CISH: variants seen among roughly 807,000 people sequenced by gnomAD.
CISH encodes the protein cytokine-inducible SH2-containing protein.
Under a neutral mutation model 21.3 loss-of-function variants are expected in CISH, and 11 were observed. The ratio of observed to expected loss-of-function variants is 0.52; its 90% confidence interval spans 0.32 to 0.85. The LOEUF (loss-of-function observed/expected upper bound fraction) is 0.85, where lower values mean the gene tolerates loss of function less well. CISH is among the 40% of genes least tolerant of loss of function. The pLI, the probability that CISH is intolerant of heterozygous loss-of-function variation, is 0.03. For missense variants in CISH, 280 were observed against 351.7 expected (o/e 0.80, Z 1.63); for synonymous variants, 118 against 142.3 (o/e 0.83, Z 1.22).
intron 1 of CISH, chr3:50,611,317 C>T: frequency 1.5e-6 from 2 of 1,305,802 alleles, no homozygotes; most frequent in Non-Finnish European, 9.7e-7. Flanking sequence ...GGATTGTTGG[C>T]CACATCTTGG....
intron 1 of CISH, chr3:50,609,484 T>C (rs1171078946): frequency 6.6e-6 from 1 of 152,230 alleles, no homozygotes; most frequent in East Asian, 1.9e-4. Flanking sequence ...AACACCATAT[T>C]CTTGGATGGC....
Position 50,610,279 on chromosome 3 carries a change from C to A in CISH, c.20+1352G>T, listed in dbSNP as rs2032282483. 7 of 1,405,776 alleles carry A rather than the reference C, an allele frequency of 5.0e-6. No individual in the cohort carries two copies. In the South Asian group the frequency reaches 8.7e-5, roughly 17 times the overall value. The allele number at this position is 1,405,776 out of a possible 1,614,324, so 87.1% of individuals were successfully genotyped here. On this transcript the variant is annotated intron_variant, in intron 1 of 2. Transcript: ENST00000348721. ...CAGATAGCTTAGCCGGTCCTCAGAT[C>A]CCACATGTAGGTGTGGGCACCTTTG...
chr3:50,611,490 G>C, intron 1 of CISH, 141 bp downstream of exon 1: 1 of 1,477,094 alleles, frequency 6.8e-7, no homozygotes, highest in South Asian at 1.3e-5. Flanking sequence ...GCCCCACACA[G>C]AGCCTTGCTC....
intron 1 of CISH, chr3:50,610,473 T>C (rs1003402691): frequency 6.4e-7 from 1 of 1,551,332 alleles, no homozygotes; most frequent in Non-Finnish European, 8.7e-7. Flanking sequence ...CGCAGCAGTC[T>C]AAAACTTTGT....
At chr3:50,610,791 C>A (rs1575987430) in intron 1 of CISH, 2 of 1,152,224 alleles carry the variant, frequency 1.7e-6, no homozygotes, top group African/African-American at 1.6e-5. Context: ...GCAGAACACC[C>A]ATTTATACCT....
rs779764644 is a variant in CISH, at chr3:50,607,866, C to T, written c.518G>A (p.Ser173Asn). ...GGTGGGAGCAGGATCGGGGCTGTCGCTTCGGGTATCAGCAGTGCAGGAGGC... is the reference window on the plus strand; with the variant it reads ...GGTGGGAGCAGGATCGGGGCTGTCGTTTCGGGTATCAGCAGTGCAGGAGGC... Reference protein sequence around the residue: ...YVASCTADTRSDSPDPAPTPA... With the variant: ...YVASCTADTRNDSPDPAPTPA... Residue 173 changes from serine to asparagine, a missense_variant, in exon 3 of 3, where the codon AGC (serine) becomes AAC (asparagine). Coordinates refer to ENST00000348721, the MANE Select transcript of CISH (RefSeq NM_145071.4). 2.5e-6 allele frequency: 4 copies of T among 1,613,836 alleles called. No individual in the cohort carries two copies. In the Admixed American group the frequency reaches 5.0e-5, roughly 20 times the overall value.
In CISH at chr3:50,607,839, G is replaced by A. The variant is rs768014875; in HGVS notation, c.545C>T (p.Pro182Leu). 1.1e-5 allele frequency: 17 copies of A among 1,613,720 alleles called. No homozygotes were observed. The highest frequency in any genetic ancestry group is 9.9e-5 in the South Asian group (9 of 91,080). ...ATCCTCCTTAGGCATAGGCAGGGCC[G>A]GGGTGGGAGCAGGATCGGGGCTGTC... ...RSDSPDPAPT[P>L]ALPMPKEDAP... The change falls in exon 3 of 3, where the codon CCG becomes CTG. Residue 182 changes from proline (P) to leucine (L), a missense_variant. By Grantham distance (98) the Pro-to-Leu change is moderately conservative (BLOSUM62 -3). Transcript: ENST00000348721.
chr3:50,607,772 A>T lies in CISH; in HGVS notation c.612T>A (p.Thr204=). ...DPALPAPPPA[T]AVHLKLVQPF... is the part of the protein sequence containing the mutation. ...GCTGCACCAGTTTTAGGTGTACAGC[A>T]GTGGCTGGTGGAGGAGCAGGCAGTG... is the stretch of plus-strand genomic sequence containing the variant. The change falls in exon 3 of 3, where the codon ACT becomes ACA. Residue 204 remains threonine, a synonymous_variant. Transcript: ENST00000348721. 6.2e-7 allele frequency: 1 copy of T among 1,613,944 alleles called. No homozygotes were observed. Among genetic ancestry groups the T allele is most frequent in the South Asian group, 1.1e-5 (1 of 91,086 alleles).
chr3:50,608,290 C>T, intron 2 of CISH, 83 bp downstream of exon 2: 1 of 1,474,620 alleles, frequency 6.8e-7, no homozygotes, highest in Admixed American at 2.1e-5. Flanking sequence ...CGGGCTATGC[C>T]TCCCAAATCA....
chr3:50,608,027 T>C lies in CISH; in HGVS notation c.357A>G (p.Ser119=), dbSNP rs751543516. 1.2e-6 allele frequency: 2 copies of C among 1,614,044 alleles called. No homozygotes were observed. Among genetic ancestry groups the C allele is most frequent in the Non-Finnish European group, 1.7e-6 (2 of 1,180,010 alleles). The change falls in exon 3 of 3, where the codon TCA becomes TCG. Residue 119 remains serine (S), a synonymous_variant. Coordinates refer to ENST00000348721, the MANE Select transcript of CISH (RefSeq NM_145071.4). ...STHPSYLFTL[S]VKTTRGPTNV... is the part of the protein sequence containing the mutation. ...TGGTGGGGCCACGAGTGGTTTTCACTGACAGCGTGAACAGGTAGCTGGGGT... is the reference window on the plus strand; with the variant it reads ...TGGTGGGGCCACGAGTGGTTTTCACCGACAGCGTGAACAGGTAGCTGGGGT...
At chr3:50,611,516 G>A in intron 1 of CISH, 115 bp downstream of exon 1, 2 of 1,500,260 alleles carry the variant, frequency 1.3e-6, no homozygotes, top group East Asian at 2.9e-5. Context: ...GTCCGTCTGC[G>A]CTCAGTCACC....
rs1044109479 is a variant in CISH at position 50,611,753 on chromosome 3, G to C, written c.-103C>G. 2 of 1,376,486 alleles carry C rather than the reference G, an allele frequency of 1.5e-6. No homozygotes were observed. The highest frequency in any genetic ancestry group is 3.8e-5 in the Admixed American group (1 of 26,054). 85.3% of individuals were successfully genotyped at this position (1,376,486 alleles called of 1,614,324 possible). On this transcript the variant is annotated 5_prime_UTR_variant, in exon 1 of 3. Coordinates refer to ENST00000348721, the MANE Select transcript of CISH (RefSeq NM_145071.4). The stretch of plus-strand genomic sequence containing the variant: ...CGCGTGCTGGGTAGGCTCCCGGGGC[G>C]CGCGGGCGCAGGACAGGGACTGAGA...
rs968170255 is a variant in CISH, at chr3:50,611,734, CT to C, written c.-85del. 7.8e-6 allele frequency: 11 copies of C among 1,404,970 alleles called. No homozygotes were observed. In the Admixed American group the frequency reaches 3.3e-4, roughly 42 times the overall value. 87.0% of individuals were successfully genotyped at this position (1,404,970 alleles called of 1,614,324 possible). On this transcript the variant is annotated 5_prime_UTR_variant, in exon 1 of 3. Transcript: ENST00000348721. Reference sequence around the variant, plus strand: ...GGAACCAGTGGGCGCGGAGCGCGTGCTGGGTAGGCTCCCGGGGCGCGCGGGC... The same window carrying C: ...GGAACCAGTGGGCGCGGAGCGCGTGCGGGTAGGCTCCCGGGGCGCGCGGGC...
intron 1 of CISH, chr3:50,611,169 CAAG>C: frequency 1.0e-6 from 1 of 1,004,148 alleles, no homozygotes; most frequent in Non-Finnish European, 1.2e-6. Context: ...GCTGGCTTCC[CAAG>C]AAGAGCCTAC....
At chr3:50,611,454 T>C (rs1490587650) in intron 1 of CISH, 177 bp downstream of exon 1, 1 of 1,407,814 alleles carries the variant, frequency 7.1e-7, no homozygotes, top group African/African-American at 1.5e-5. Context: ...GGTAAGTGTG[T>C]GGGGGCGGGG....
chr3:50,610,358 C>T (rs766984461), intron 1 of CISH: 1 of 1,551,216 alleles, frequency 6.4e-7, no homozygotes, highest in South Asian at 1.2e-5. Flanking sequence ...CCACAAGCTC[C>T]TGGTGAGTGT....
intron 1 of CISH, chr3:50,610,702 C>T (rs913968711): frequency 7.5e-7 from 1 of 1,333,664 alleles, no homozygotes; most frequent in South Asian, 1.7e-5. Context: ...ATGTCCTCTT[C>T]CTTGGCCTCA....
chr3:50,610,999 G>A (rs2032307941), intron 1 of CISH: 1 of 991,566 alleles, frequency 1.0e-6, no homozygotes, highest in Non-Finnish European at 1.2e-6. Context: ...AAGATGAGAG[G>A]CAGGAGCCAA....
In CISH at chr3:50,607,390, A is replaced by G. The variant is rs2032184821; in HGVS notation, c.*217T>C. ...CATCCTCTGACACATGGCTCAGTAT[A>G]ATGAAGCCACATGCGGCCTGGGGGC... On this transcript the variant is annotated 3_prime_UTR_variant, in exon 3 of 3. Coordinates refer to ENST00000348721, the MANE Select transcript of CISH (RefSeq NM_145071.4). 2 of 586,186 alleles carry G rather than the reference A, an allele frequency of 3.4e-6. No individual in the cohort carries two copies. The highest frequency in any genetic ancestry group is 6.0e-5 in the Admixed American group (2 of 33,354). 36.3% of individuals were successfully genotyped at this position (586,186 alleles called of 1,614,324 possible).
Sources: allele counts gnomAD v4.1 joint callset, GRCh38; gene constraint gnomAD v4.1.1; transcripts MANE v1.5; gene names NCBI Gene and HGNC (gene_info 2026-07-23, HGNC 2026-07-21).